DDX54: variants seen among roughly 807,000 people sequenced by gnomAD.
DDX54 encodes the protein DEAD-box helicase 54.
A neutral mutation model predicts 105.5 loss-of-function variants in DDX54; 67 were observed. The ratio of observed to expected loss-of-function variants is 0.64; its 90% CI spans 0.52 to 0.78. The LOEUF (loss-of-function observed/expected upper bound fraction) is 0.78, where lower values mean the gene tolerates loss of function less well. DDX54 is among the 30% of genes least tolerant of loss of function. The pLI, the probability that DDX54 is intolerant of heterozygous loss-of-function variation, is 0.00. For synonymous variants in DDX54, 514 were observed against 509.9 expected, an observed-to-expected ratio of 1.01 and a Z score of -0.11; for missense variants, 1,206 against 1,230.5, an observed-to-expected ratio of 0.98 and a Z score of 0.30.
Position 113,165,806 on chromosome 12 carries a change from G to A in DDX54, c.1641C>T (p.Leu547=), listed in dbSNP as rs1357813774. 6.2e-7 allele frequency: 1 copy of A among 1,603,574 alleles called. No homozygotes were observed. Among genetic ancestry groups the A allele is most frequent in the Non-Finnish European group, 8.5e-7 (1 of 1,172,732 alleles). The change falls in exon 13 of 20, where the codon CTC becomes CTT. Residue 547 remains leucine, a synonymous_variant. Transcript: ENST00000306014. ...CTGCCTTGTAGAAGGACTCACTGAA[G>A]AGGGGGTGCAGGCCCAGCCCCACAA... ...MDLVGLGLHP[L]FSSRFEEEEL... is the part of the protein sequence containing the mutation.
Position 113,185,338 on chromosome 12 carries a change from G to T in DDX54, c.114C>A (p.Gly38=). 1.3e-6 allele frequency: 2 copies of T among 1,585,890 alleles called. 1 individual carries two copies. The highest frequency in any genetic ancestry group is 1.7e-6 in the Non-Finnish European group (2 of 1,169,528). Residue 38 remains glycine, a synonymous_variant, in exon 1 of 20, where the codon GGC becomes GGA. Transcript: ENST00000306014. ...KRRGAASQAR[G]SDSEDGEFEI... ...CAAACTCGCCGTCCTCCGAGTCGCT[G>T]CCGCGGGCCTGGGAGGCCGCGCCTC...
chr12:113,170,242 A>C (rs542085999), intron 11 of DDX54, among the ~76,000 whole-genome samples: 1 of 152,354 alleles, frequency 6.6e-6, no homozygotes, highest in South Asian at 2.1e-4. Flanking sequence ...TGACTAGGAC[A>C]GCCCCAAGTT....
In DDX54 at chr12:113,174,670, G is replaced by A. The variant is rs962942097; in HGVS notation, c.1038C>T (p.Ala346=). ...TGAGGTACTCGGCGTGGTGCTTCGT[G>A]GCCACAAACACCACGGTCTGGTCCT... ...RPQDQTVVFV[A]TKHHAEYLTE... is the part of the protein sequence containing the mutation. The change falls in exon 10 of 20, where the codon GCC becomes GCT. Residue 346 remains alanine, a synonymous_variant. Transcript: ENST00000306014. 21 of 1,610,712 alleles carry A rather than the reference G, an allele frequency of 1.3e-5. No individual in the cohort carries two copies. Among genetic ancestry groups the A allele is most frequent in the Non-Finnish European group, 1.8e-5 (21 of 1,177,276 alleles).
chr12:113,185,437 CT>C lies in DDX54; in HGVS notation c.14del (p.Lys5ArgfsTer99). 2 of 1,510,452 alleles carry C rather than the reference CT, an allele frequency of 1.3e-6. No homozygotes were observed. Among genetic ancestry groups the C allele is most frequent in the Non-Finnish European group, 1.8e-6 (2 of 1,132,782 alleles). 93.6% of individuals were successfully genotyped at this position (1,510,452 alleles called of 1,614,324 possible). ...GCGACCGAGGTCCAGCCGCCGGGCC[CT>C]TGTCGGCCGCCATTCGGGCCGCGCG... MAAD[K>X]GPAAGPRSRA... On this transcript the variant is annotated frameshift_variant, in exon 1 of 20. Coordinates refer to ENST00000306014, the MANE Select transcript of DDX54 (RefSeq NM_024072.4). LOFTEE classifies it high-confidence loss of function.
At chr12:113,179,450 G>C in intron 3 of DDX54, 119 bp from the exon 4 acceptor site, 1 of 1,144,166 alleles carries the variant, frequency 8.7e-7, no homozygotes, top group South Asian at 1.5e-5. Flanking sequence ...GCAGGCACCC[G>C]TCACCCAGCC....
At chr12:113,178,267 A>G (rs1286183404) in intron 5 of DDX54, among the ~76,000 whole-genome samples, 1 of 152,058 alleles carries the variant, frequency 6.6e-6, no homozygotes, top group Non-Finnish European at 1.5e-5. Context: ...AAAAACAAAA[A>G]CAAGCCCACG....
Position 113,175,044 on chromosome 12 carries a change from G to A in DDX54, c.866C>T (p.Ala289Val), listed in dbSNP as rs765419352. The change falls in exon 8 of 20, where the codon GCC (alanine) becomes GTC (valine). Residue 289 changes from alanine to valine, a missense_variant. By Grantham distance (64) the Ala-to-Val change is moderately conservative (BLOSUM62 0). Transcript: ENST00000306014. Reference protein sequence around the residue: ...ATLPKLLVEFARAGLTEPVLI... With the variant: ...ATLPKLLVEFVRAGLTEPVLI... ...ACCCCCAGCTCACGCACCAGCCCGGGCAAATTCCACCAGCAGTTTGGGCAG... is the reference window on the plus strand; with the variant it reads ...ACCCCCAGCTCACGCACCAGCCCGGACAAATTCCACCAGCAGTTTGGGCAG... The A allele has an allele frequency of 6.2e-7, 1 of 1,613,872 alleles. No homozygotes were observed. Among genetic ancestry groups the A allele is most frequent in the Non-Finnish European group, 8.5e-7 (1 of 1,179,970 alleles).
Position 113,177,066 on chromosome 12 carries a change from G to C in DDX54, c.642C>G (p.His214Gln). ...CACAAACTCACATGTCGGGATTTTC[G>C]TGCAGGGCTGCAAACTGGTCTTCCA... ...DRMEDQFAAL[H>Q]ENPDIIIATP... The change falls in exon 6 of 20, where the codon CAC (histidine) becomes CAG (glutamine). Residue 214 changes from histidine (H) to glutamine (Q), a missense_variant. Coordinates refer to ENST00000306014, the MANE Select transcript of DDX54 (RefSeq NM_024072.4). 1.2e-6 allele frequency: 2 copies of C among 1,614,120 alleles called. No individual in the cohort carries two copies. Among genetic ancestry groups the C allele is most frequent in the Non-Finnish European group, 1.7e-6 (2 of 1,180,012 alleles).
intron 12 of DDX54, among the ~76,000 whole-genome samples, chr12:113,168,284 C>G (rs559331135): frequency 6.6e-6 from 1 of 152,334 alleles, no homozygotes; most frequent in South Asian, 2.1e-4. Context: ...CAGAGGGGGC[C>G]CGGAGCTCTG....
At position 113,158,564 on chromosome 12, in the gene DDX54, G is replaced by A. The variant is rs1405580991; in HGVS notation, c.*313C>T. On this transcript the variant is annotated 3_prime_UTR_variant, in exon 20 of 20. Transcript: ENST00000306014. The surrounding 1 kb of genome is among the most constrained non-coding windows in gnomAD (Gnocchi z 4.9). ...CCTGAGGCACTCAGGGCTCTGACCG[G>A]TGCAGCCATGACCTCTGAACCCAGA... 8.9e-6 allele frequency: 3 copies of A among 336,656 alleles called. No individual in the cohort carries two copies. Among genetic ancestry groups the A allele is most frequent in the Non-Finnish European group, 1.6e-5 (3 of 186,906 alleles). 20.9% of individuals were successfully genotyped at this position (336,656 alleles called of 1,614,324 possible). A position where few individuals can be genotyped will look rare whatever the true frequency, so the allele number is the denominator to read the frequency against.
Position 113,185,283 on chromosome 12 carries a change from G to C in DDX54, c.169C>G (p.Arg57Gly), listed in dbSNP as rs1384117787. 1 of 1,565,848 alleles carries C rather than the reference G, an allele frequency of 6.4e-7. No homozygotes were observed. Among genetic ancestry groups the C allele is most frequent in the Admixed American group, 1.8e-5 (1 of 55,604 alleles). ...EIQAEDDARA[R>G]KLGPGRPLPT... ...TCCCAGCCCCACGCGCCTACCTTCCGGGCCCGGGCGTCATCTTCCGCCTGG... is the reference window on the plus strand; with the variant it reads ...TCCCAGCCCCACGCGCCTACCTTCCCGGCCCGGGCGTCATCTTCCGCCTGG... Residue 57 changes from arginine to glycine, a missense_variant, in exon 1 of 20, where the codon CGG becomes GGG. Arg to Gly is a moderately radical substitution (Grantham distance 125). Around this residue, in one of 3 missense-constraint regions of DDX54, gnomAD observed 212 missense variants for 155.4 expected, o/e 1.36. Coordinates refer to ENST00000306014, the MANE Select transcript of DDX54 (RefSeq NM_024072.4).
chr12:113,175,240 C>G, intron 7 of DDX54, 83 bp from the exon 8 acceptor site: 2 of 1,500,722 alleles, frequency 1.3e-6, no homozygotes, highest in Non-Finnish European at 1.8e-6. Context: ...GTCCCCACAA[C>G]TTCTGCAGTG....
Position 113,172,289 on chromosome 12 carries a change from A to G in DDX54, c.1279+64T>C, listed in dbSNP as rs1593003929. 1.0e-5 allele frequency: 16 copies of G among 1,544,034 alleles called. 1 individual carries two copies. The South Asian group carries it at 1.8e-4, about 17-fold the overall frequency. ...TGCAGTGTCAAGAGTTAAGCCTTGT[A>G]CCCTCGGCTTCTGCCAGGATCCGGC... On this transcript the variant is annotated intron_variant, in intron 11 of 19. Coordinates refer to ENST00000306014, the MANE Select transcript of DDX54 (RefSeq NM_024072.4).
intron 12 of DDX54, among the ~76,000 whole-genome samples, chr12:113,168,936 A>G (rs1346346282): frequency 6.6e-6 from 1 of 150,668 alleles, no homozygotes; most frequent in East Asian, 2.0e-4. Context: ...GTCTCAATAA[A>G]TAAATTAAAA....
intron 11 of DDX54, among the ~76,000 whole-genome samples, chr12:113,170,913 AAAAG>A (rs1191671266): frequency 6.6e-6 from 1 of 152,234 alleles, no homozygotes; most frequent in Non-Finnish European, 1.5e-5. Flanking sequence ...CCAGTTATAA[AAAAG>A]AACACCCAAT....
chr12:113,164,038 G>T, intron 15 of DDX54, 29 bp downstream of exon 15: 1 of 1,527,760 alleles, frequency 6.5e-7, no homozygotes, highest in East Asian at 2.5e-5. Context: ...CATACCCCAG[G>T]TCCAGGGTCC....
At chr12:113,180,495 G>A (rs1343397739) in intron 2 of DDX54, among the ~76,000 whole-genome samples, 1 of 152,126 alleles carries the variant, frequency 6.6e-6, no homozygotes, top group Non-Finnish European at 1.5e-5. Flanking sequence ...CTCCCCAAAC[G>A]CTAAGATTAC....
chr12:113,176,772 G>T (rs1952408414), intron 7 of DDX54, 68 bp downstream of exon 7: 10 of 1,545,664 alleles, frequency 6.5e-6, no homozygotes, highest in Non-Finnish European at 8.9e-6. Context: ...GCCTTCCTCT[G>T]GTTGACCTCT....
chr12:113,181,478 ATTTT>A (rs200981259), intron 1 of DDX54, among the ~76,000 whole-genome samples: 1 of 141,968 alleles, frequency 7.0e-6, no homozygotes, highest in Non-Finnish European at 1.6e-5. Flanking sequence ...TTTTGTATTT[ATTTT>A]TTTTTTTTTG....
Sources: gnomAD v4.1 joint callset for allele counts (sites outside exome capture counted in the v4.1 genomes callset) on GRCh38, gnomAD v4.1.1 for gene constraint, gnomAD v4.1.1 regional missense constraint, Gnocchi (gnomAD v3.1) non-coding constraint, MANE v1.5 for transcripts, NCBI Gene and HGNC (gene_info 2026-07-23, HGNC 2026-07-21) for gene names.